The following ZNF652 variants were observed in gnomAD, a reference collection of about 807,000 sequenced individuals.
The protein encoded by ZNF652 is zinc finger protein 652.
A neutral mutation model predicts 45.2 loss-of-function variants in ZNF652; 16 were observed. That is an observed-to-expected ratio of 0.35 (90% CI 0.24 to 0.54). ZNF652 has a LOEUF of 0.54. Ranked by LOEUF, ZNF652 falls within the 20% of genes least tolerant of loss-of-function variation. The pLI, the probability that ZNF652 is intolerant of heterozygous loss-of-function variation, is 0.91. For synonymous variants in ZNF652, 250 were observed against 260.6 expected, an observed-to-expected ratio of 0.96 and a Z score of 0.39; for missense variants, 614 against 765.6, an observed-to-expected ratio of 0.80 and a Z score of 2.34.
At chr17:49,341,648 C>T (rs901271095) in intron 1 of ZNF652, among the ~76,000 whole-genome samples, 9 of 151,706 alleles carry the variant, frequency 5.9e-5, no homozygotes, top group African/African-American at 2.2e-4. Flanking sequence ...TGGGCAACAG[C>T]AAGACTGTCT....
In ZNF652 at chr17:49,298,184, C is replaced by T; in HGVS notation, c.*229G>A. The T allele has an allele frequency of 3.6e-6, 2 of 550,424 alleles. No individual in the cohort carries two copies. The highest frequency in any genetic ancestry group is 3.1e-5 in the East Asian group (1 of 31,798). The allele number at this position is 550,424 out of a possible 1,614,324, so 34.1% of individuals were successfully genotyped here. A position where few individuals can be genotyped will look rare whatever the true frequency, so the allele number is the denominator to read the frequency against. Reference sequence around the variant, plus strand: ...TATAAAAGTCATCAGAAAATGCAAGCAAATTGGGCTTTAGTTCAGTGGTTC... The same window carrying T: ...TATAAAAGTCATCAGAAAATGCAAGTAAATTGGGCTTTAGTTCAGTGGTTC... On this transcript the variant is annotated 3_prime_UTR_variant, in exon 6 of 6. Coordinates refer to ENST00000430262, the MANE Select transcript of ZNF652 (RefSeq NM_001145365.3).
At chr17:49,343,523 G>T (rs1598311751) in intron 1 of ZNF652, among the ~76,000 whole-genome samples, 1 of 152,046 alleles carries the variant, frequency 6.6e-6, no homozygotes, top group East Asian at 1.9e-4. Context: ...GTGGGGAGAT[G>T]ATTTTATACA....
intron 5 of ZNF652, among the ~76,000 whole-genome samples, chr17:49,309,480 T>C (rs2069679078): frequency 6.7e-6 from 1 of 148,472 alleles, no homozygotes; most frequent in African/African-American, 2.5e-5. Context: ...CTGCACTCAG[T>C]CTGGGTGACG....
At chr17:49,304,142 C>T (rs977901607) in intron 5 of ZNF652, among the ~76,000 whole-genome samples, 27 of 146,816 alleles carry the variant, frequency 1.8e-4, no homozygotes, top group African/African-American at 5.3e-4. Context: ...CCTCATGATT[C>T]GCCCACCTCA....
intron 1 of ZNF652, among the ~76,000 whole-genome samples, chr17:49,326,072 TAAGTC>T (rs1027913137): frequency 7.9e-5 from 12 of 151,624 alleles, no homozygotes; most frequent in Non-Finnish European, 1.6e-4. Flanking sequence ...TACTCAAAAT[TAAGTC>T]AAGGAAGAAG....
intron 1 of ZNF652, among the ~76,000 whole-genome samples, chr17:49,319,016 G>T (rs991612018): frequency 2.0e-5 from 3 of 152,106 alleles, no homozygotes; most frequent in Non-Finnish European, 4.4e-5. Context: ...CAGTTGCACA[G>T]GAGTCTAAAT....
chr17:49,320,076 T>C (rs990269265), intron 1 of ZNF652, among the ~76,000 whole-genome samples: 5 of 152,164 alleles, frequency 3.3e-5, no homozygotes, highest in African/African-American at 1.2e-4. Flanking sequence ...AGATATTACC[T>C]TGTCTTTCTC....
chr17:49,307,420 G>A lies in ZNF652; in HGVS notation c.1309+3892C>T, dbSNP rs185531466. ...CACTCTGGCCTGGGCAACAGAGTGA[G>A]ACTCTGTCTCAAAAGAAAAAAAAAA... On this transcript the variant is annotated intron_variant, in intron 5 of 5. Coordinates refer to ENST00000430262, the MANE Select transcript of ZNF652 (RefSeq NM_001145365.3). 1.7e-3 allele frequency among the ~76,000 whole-genome samples: 196 copies of A among 114,108 alleles called. 4 individuals carry two copies. In the East Asian group the frequency reaches 0.044, roughly 25 times the overall value. 74.9% of individuals were successfully genotyped at this position (114,108 alleles called of 152,430 possible). A position where few individuals can be genotyped will look rare whatever the true frequency, so the allele number is the denominator to read the frequency against.
intron 5 of ZNF652, among the ~76,000 whole-genome samples, chr17:49,306,972 C>T (rs1170555920): frequency 6.6e-6 from 1 of 151,738 alleles, no homozygotes; most frequent in Non-Finnish European, 1.5e-5. Context: ...AGGCTGGTCT[C>T]GAACTCCTGA....
chr17:49,324,832 C>G (rs532278533), intron 1 of ZNF652, among the ~76,000 whole-genome samples: 1 of 150,248 alleles, frequency 6.7e-6, no homozygotes, highest in African/African-American at 2.5e-5. Flanking sequence ...CCTCCACCTC[C>G]TGGGTTCAAG....
In ZNF652 at chr17:49,317,535, T is replaced by A. The variant is rs775066228; in HGVS notation, c.191A>T (p.Asp64Val). The A allele has an allele frequency of 1.2e-6, 2 of 1,614,132 alleles. No homozygotes were observed. Among genetic ancestry groups the A allele is most frequent in the Non-Finnish European group, 8.5e-7 (1 of 1,179,986 alleles). Residue 64 changes from aspartate (D) to valine (V), a missense_variant, in exon 2 of 6, where the codon GAC becomes GTC. By Grantham distance (152) the Asp-to-Val change is radical. This residue lies in a region of ZNF652 where 133 missense variants were observed against 132.2 expected (regional missense o/e 1.01). Transcript: ENST00000430262. ...ESGSPYSVLV[D>V]TKMSKPHLHE... Reference sequence around the variant, plus strand: ...GAGATGCGGTTTGCTCATCTTGGTGTCCACTAACACAGAATAAGGACTTCC... The same window carrying A: ...GAGATGCGGTTTGCTCATCTTGGTGACCACTAACACAGAATAAGGACTTCC...
chr17:49,306,459 A>G (rs773696140), intron 5 of ZNF652, among the ~76,000 whole-genome samples: 1 of 151,754 alleles, frequency 6.6e-6, no homozygotes, highest in Non-Finnish European at 1.5e-5. Context: ...GGTTTTTTCA[A>G]TTTTTTTTGG....
intron 1 of ZNF652, among the ~76,000 whole-genome samples, chr17:49,356,260 T>C (rs763226655): frequency 6.6e-6 from 1 of 151,350 alleles, no homozygotes; most frequent in Non-Finnish European, 1.5e-5. Flanking sequence ...ATCCTGTCTC[T>C]ACTAAAAAAT....
intron 1 of ZNF652, 73 bp downstream of exon 1, chr17:49,361,836 G>A (rs1168411104): frequency 6.6e-6 from 1 of 151,416 alleles, no homozygotes; most frequent in African/African-American, 2.4e-5. Context: ...CCCCGCGGGC[G>A]GCGGAGAGGA....
chr17:49,334,012 T>C (rs2070054944), intron 1 of ZNF652, among the ~76,000 whole-genome samples: 2 of 152,130 alleles, frequency 1.3e-5, no homozygotes, highest in Admixed American at 1.3e-4. Flanking sequence ...GACTCAGCAA[T>C]TCCAGTTCCA....
intron 1 of ZNF652, among the ~76,000 whole-genome samples, chr17:49,339,562 A>G (rs906572951): frequency 2.0e-5 from 3 of 152,122 alleles, no homozygotes; most frequent in Admixed American, 6.5e-5. Context: ...TCTGGCCTCT[A>G]TCAATGGGCA....
rs1395665222 is a variant in ZNF652, at chr17:49,297,837, C to A, written c.*576G>T. On this transcript the variant is annotated 3_prime_UTR_variant, in exon 6 of 6. Transcript: ENST00000430262. ...TACCAAAGAAGTCTATACAAAAACT[C>A]TAAAATAATTTCTGTAGTAAAATAA... 1 of 152,694 alleles carries A rather than the reference C, an allele frequency of 6.5e-6. No individual in the cohort carries two copies. Among genetic ancestry groups the A allele is most frequent in the African/African-American group, 2.4e-5 (1 of 41,414 alleles). The allele number at this position is 152,694 out of a possible 1,614,324, so 9.5% of individuals were successfully genotyped here. A position where few individuals can be genotyped will look rare whatever the true frequency, so the allele number is the denominator to read the frequency against.
At chr17:49,312,159 C>CTTTTTTTTTTTTTTT (rs34553823) in intron 3 of ZNF652, 117 bp from the exon 4 acceptor site, 1 of 133,728 alleles carries the variant, frequency 7.5e-6, no homozygotes, top group Non-Finnish European at 1.3e-5. Flanking sequence ...ATTTGTGAGG[C>CTTTTTTTTTTTTTTT]TTTTTTTTTT....
chr17:49,333,204 C>T lies in ZNF652; in HGVS notation c.-258-15221G>A, dbSNP rs528373403. Reference sequence around the variant, plus strand: ...TCCCGAGTAGCTGGGACTACAGGTGCCTGTCACCATGCCCAGCTAATATTT... The same window carrying T: ...TCCCGAGTAGCTGGGACTACAGGTGTCTGTCACCATGCCCAGCTAATATTT... On this transcript the variant is annotated intron_variant, in intron 1 of 5. Transcript: ENST00000430262. 6.6e-5 allele frequency among the ~76,000 whole-genome samples: 10 copies of T among 151,000 alleles called. No individual in the cohort carries two copies. The South Asian group carries it at 2.1e-3, about 32-fold the overall frequency.
Sources: gnomAD v4.1 joint callset for allele counts (sites outside exome capture counted in the v4.1 genomes callset) on GRCh38, gnomAD v4.1.1 for gene constraint, gnomAD v4.1.1 regional missense constraint, MANE v1.5 for transcripts, NCBI Gene and HGNC (gene_info 2026-07-23, HGNC 2026-07-21) for gene names.